Variants in LGSN observed in about 807,000 individuals in gnomAD.
LGSN encodes the protein lengsin.
Under a neutral mutation model 19.5 loss-of-function variants are expected in LGSN, and 21 were observed. That is an observed-to-expected ratio of 1.07 (90% confidence interval 0.76 to 1.55). The LOEUF (loss-of-function observed/expected upper bound fraction) is 1.55. Among genes scored for constraint, LGSN ranks in the 40% most tolerant of loss-of-function variants. LGSN has a pLI of 0.00. For synonymous variants in LGSN, 257 were observed against 215.6 expected, an observed-to-expected ratio of 1.19 and a Z score of -1.68; for missense variants, 673 against 608.5, an observed-to-expected ratio of 1.11 and a Z score of -1.12.
the LGSN span, among the ~76,000 whole-genome samples, chr6:63,338,114 G>A: frequency 2.4e-4 from 36 of 152,188 alleles, no homozygotes; most frequent in African/African-American, 2.2e-4. Flanking sequence ...TCAAACTCCT[G>A]AGCTCAGGTG....
the LGSN span, among the ~76,000 whole-genome samples, chr6:63,432,171 A>G: frequency 6.4e-5 from 6 of 93,956 alleles, no homozygotes; most frequent in African/African-American, 3.0e-4. Context: ...GAAAGAAAGA[A>G]AAGGAAAGAA....
chr6:63,559,847 G>A, the LGSN span, among the ~76,000 whole-genome samples: 4 of 152,236 alleles, frequency 2.6e-5, no homozygotes, highest in South Asian at 2.1e-4. Context: ...GGCTGGTTTC[G>A]AACTCCTGGG....
At chr6:63,501,905 C>T in the LGSN span, among the ~76,000 whole-genome samples, 1 of 152,162 alleles carries the variant, frequency 6.6e-6, no homozygotes, top group Non-Finnish European at 1.5e-5. Context: ...AAGCAATCCT[C>T]CCACCTCAGC....
the LGSN span, among the ~76,000 whole-genome samples, chr6:63,535,598 T>C: frequency 6.6e-6 from 1 of 152,230 alleles, no homozygotes; most frequent in Admixed American, 6.5e-5. Flanking sequence ...CTTTCAGGGA[T>C]AATATGAGGT....
chr6:63,412,506 G>GAA, the LGSN span, among the ~76,000 whole-genome samples: 1 of 95,386 alleles, frequency 1.0e-5, no homozygotes, highest in Non-Finnish European at 2.0e-5. Context: ...AAGAAAGAAA[G>GAA]AAAGAAAGAA....
chr6:63,541,267 A>G, the LGSN span, among the ~76,000 whole-genome samples: 1 of 152,120 alleles, frequency 6.6e-6, no homozygotes, highest in African/African-American at 2.4e-5. Flanking sequence ...CAGGTATCTT[A>G]GCTAGATTCC....
chr6:63,299,844 G>T (rs1199702214), intron 1 of LGSN, among the ~76,000 whole-genome samples: 4 of 151,684 alleles, frequency 2.6e-5, no homozygotes, highest in Admixed American at 1.3e-4. Flanking sequence ...TTTTTTTCTG[G>T]GTCTACTGGT....
At chr6:63,548,651 A>G in the LGSN span, 1 of 423,282 alleles carries the variant, frequency 2.4e-6, no homozygotes, top group South Asian at 2.9e-5. Flanking sequence ...TAATTTTTCA[A>G]GGAAAATTTG....
At chr6:63,445,259 A>G in the LGSN span, among the ~76,000 whole-genome samples, 35 of 152,246 alleles carry the variant, frequency 2.3e-4, no homozygotes, top group African/African-American at 8.4e-4. Flanking sequence ...TGCAATGAGC[A>G]GAGATCGCGT....
chr6:63,399,502 C>G, the LGSN span, among the ~76,000 whole-genome samples: 10 of 150,806 alleles, frequency 6.6e-5, no homozygotes, highest in East Asian at 1.8e-3. Flanking sequence ...TCAAGCGATT[C>G]TCCTGCCTCA....
the LGSN span, among the ~76,000 whole-genome samples, chr6:63,464,540 T>C: frequency 6.7e-6 from 1 of 149,890 alleles, no homozygotes; most frequent in Admixed American, 6.7e-5. Flanking sequence ...AAAATATATA[T>C]ATATATATGT....
intron 2 of LGSN, among the ~76,000 whole-genome samples, chr6:63,291,763 C>T (rs1767780828): frequency 6.6e-6 from 1 of 152,208 alleles, no homozygotes; most frequent in Non-Finnish European, 1.5e-5. Flanking sequence ...TTTTCGGTAT[C>T]AGTAGGCAGA....
At chr6:63,490,995 G>A in the LGSN span, among the ~76,000 whole-genome samples, 1 of 151,936 alleles carries the variant, frequency 6.6e-6, no homozygotes, top group Non-Finnish European at 1.5e-5. Context: ...GGCCCTCAAC[G>A]GGTTGAATGA....
the LGSN span, among the ~76,000 whole-genome samples, chr6:63,414,916 A>G: frequency 6.6e-6 from 1 of 152,226 alleles, no homozygotes; most frequent in Non-Finnish European, 1.5e-5. Context: ...CGCCCTTTAA[A>G]AAAAATTAAA....
At chr6:63,489,677 T>C in the LGSN span, among the ~76,000 whole-genome samples, 1 of 152,232 alleles carries the variant, frequency 6.6e-6, no homozygotes, top group Non-Finnish European at 1.5e-5. Flanking sequence ...ACCTGGATTT[T>C]ATTTATTCAT....
the LGSN span, among the ~76,000 whole-genome samples, chr6:63,518,755 A>G: frequency 6.6e-6 from 1 of 152,270 alleles, no homozygotes; most frequent in Admixed American, 6.5e-5. Context: ...TTGCAATAAT[A>G]ATGCAATAAT....
chr6:63,532,557 C>T, the LGSN span, among the ~76,000 whole-genome samples: 1 of 152,078 alleles, frequency 6.6e-6, no homozygotes, highest in East Asian at 1.9e-4. Context: ...TAAATAAATG[C>T]CATTAAATCC....
At chr6:63,522,302 G>A in the LGSN span, among the ~76,000 whole-genome samples, 8 of 152,282 alleles carry the variant, frequency 5.3e-5, no homozygotes, top group Middle Eastern at 3.4e-3. Flanking sequence ...TAGTTATAAA[G>A]ATAAGATGTC....
the LGSN span, among the ~76,000 whole-genome samples, chr6:63,403,795 C>T: frequency 3.9e-5 from 6 of 152,174 alleles, no homozygotes; most frequent in Admixed American, 3.3e-4. Context: ...GTGATTCCCA[C>T]ATCCTGGTGT....
Sources: gnomAD v4.1 joint callset for allele counts (sites outside exome capture counted in the v4.1 genomes callset) on GRCh38, gnomAD v4.1.1 for gene constraint, MANE v1.5 for transcripts, NCBI Gene and HGNC (gene_info 2026-07-23, HGNC 2026-07-21) for gene names.